The following CHAMP1 variants were observed in gnomAD, a reference collection of about 807,000 sequenced individuals.
CHAMP1 encodes chromosome alignment maintaining phosphoprotein 1.
CHAMP1 carries 4 observed loss-of-function variants against 54.5 expected under a neutral mutation model. The ratio of observed to expected loss-of-function variants is 0.07; its 90% CI spans 0.04 to 0.17. CHAMP1 has a LOEUF of 0.17. Among genes scored for constraint, CHAMP1 ranks in the 10% least tolerant of loss-of-function variants. The pLI is 1.00. For missense variants in CHAMP1, 994 were observed against 968.6 expected, an observed-to-expected ratio of 1.03 and a Z score of -0.35; for synonymous variants, 368 against 342.2, an observed-to-expected ratio of 1.08 and a Z score of -0.83.
intron 1 of CHAMP1, among the ~76,000 whole-genome samples, chr13:114,319,588 A>G (rs2087143357): frequency 6.6e-6 from 1 of 152,202 alleles, no homozygotes; most frequent in South Asian, 2.1e-4. Context: ...TAGAACTTCA[A>G]CCAAATGCCA....
In CHAMP1 at chr13:114,324,253, T is replaced by G. The variant is rs782812955; in HGVS notation, c.411T>G (p.Leu137=). The change falls in exon 3 of 3, where the codon CTT becomes CTG. Residue 137 remains leucine (L), a synonymous_variant. Coordinates refer to ENST00000361283, the MANE Select transcript of CHAMP1 (RefSeq NM_032436.4). ...CCCTTTCAATGGAAACACAGAAACT[T>G]GGTTCAGTTTTGTCTCCAGAATCGC... ...IPALSMETQK[L]GSVLSPESPK... 2 of 1,614,160 alleles carry G rather than the reference T, an allele frequency of 1.2e-6. No homozygotes were observed. Among genetic ancestry groups the G allele is most frequent in the Non-Finnish European group, 1.7e-6 (2 of 1,180,040 alleles).
Position 114,325,828 on chromosome 13 carries a change from C to T in CHAMP1, c.1986C>T (p.Ser662=). ...ATCAAGAGCAGGTTGATGTGGAATC[C>T]ATTGATTTTAGCAAAGAGAACAAAA... ...SSDQEQVDVE[S]IDFSKENKMD... is the part of the protein sequence containing the mutation. The change falls in exon 3 of 3, where the codon TCC becomes TCT. Residue 662 remains serine, a synonymous_variant. Coordinates refer to ENST00000361283, the MANE Select transcript of CHAMP1 (RefSeq NM_032436.4). 1 of 1,614,110 alleles carries T rather than the reference C, an allele frequency of 6.2e-7. No individual in the cohort carries two copies. Among genetic ancestry groups the T allele is most frequent in the Non-Finnish European group, 8.5e-7 (1 of 1,180,040 alleles).
Position 114,326,235 on chromosome 13 carries a change from A to G in CHAMP1, c.2393A>G (p.Lys798Arg). ...CGGCATAATGAAGAGGCAAATAAAA[A>G]GCTAATGGAAGCTCTTGAACCGCCA... ...QSRHNEEANKKLMEALEPPLE... is the reference protein window; with the variant it reads ...QSRHNEEANKRLMEALEPPLE... The change falls in exon 3 of 3, where the codon AAG becomes AGG. Residue 798 changes from lysine to arginine, a missense_variant. This residue lies in a region of CHAMP1 where 59 missense variants were observed against 146.7 expected (regional missense o/e 0.40). Transcript: ENST00000361283. The G allele has an allele frequency of 6.3e-7, 1 of 1,590,678 alleles. No homozygotes were observed. Among genetic ancestry groups the G allele is most frequent in the South Asian group, 1.1e-5 (1 of 87,668 alleles).
chr13:114,321,985 A>G (rs1300331095), intron 2 of CHAMP1: 1 of 151,688 alleles, frequency 6.6e-6, no homozygotes, highest in Non-Finnish European at 1.5e-5. Context: ...AGGAAGCAGT[A>G]TTGCCAGTGA....
At chr13:114,319,464 G>A (rs1465600414) in intron 1 of CHAMP1, among the ~76,000 whole-genome samples, 1 of 152,196 alleles carries the variant, frequency 6.6e-6, no homozygotes, top group Non-Finnish European at 1.5e-5. Context: ...CTGGCATCCT[G>A]TTTTTGGTAT....
In CHAMP1 at chr13:114,323,874, C is replaced by T. The variant is rs1193198344; in HGVS notation, c.32C>T (p.Ser11Leu). The change falls in exon 3 of 3, where the codon TCA becomes TTA. Residue 11 changes from serine to leucine, a missense_variant. Around this residue, in one of 3 missense-constraint regions of CHAMP1, gnomAD observed 84 missense variants for 120.7 expected, o/e 0.70. Transcript: ENST00000361283. MEAFQELRKP[S>L]ARLECDHCSF... ...GCATTCCAGGAACTTCGTAAACCAT[C>T]AGCACGTTTGGAGTGTGACCATTGC... The T allele has an allele frequency of 3.1e-6, 5 of 1,608,710 alleles. No individual in the cohort carries two copies. The highest frequency in any genetic ancestry group is 4.3e-6 in the Non-Finnish European group (5 of 1,176,134).
intron 1 of CHAMP1, among the ~76,000 whole-genome samples, chr13:114,319,949 G>T (rs2087147473): frequency 6.6e-6 from 1 of 152,202 alleles, no homozygotes; most frequent in African/African-American, 2.4e-5. Context: ...AGCTTTATAT[G>T]CCATATTCAA....
rs911557126 is a variant in CHAMP1 at position 114,314,619 on chromosome 13, C to G, written c.-203C>G. The G allele has an allele frequency of 6.6e-6, 1 of 151,978 alleles. No individual in the cohort carries two copies. The highest frequency in any genetic ancestry group is 1.5e-5 in the Non-Finnish European group (1 of 67,984). 9.4% of individuals were successfully genotyped at this position (151,978 alleles called of 1,614,324 possible). On this transcript the variant is annotated 5_prime_UTR_variant, in exon 1 of 3. Coordinates refer to ENST00000361283, the MANE Select transcript of CHAMP1 (RefSeq NM_032436.4). ...GGCCCTCCGCGCGGTCCATCGCCCA[C>G]TGGACGCCGCCCGCGGCCGGACCGG... is the stretch of plus-strand genomic sequence containing the variant.
chr13:114,322,382 G>A (rs797036613), intron 2 of CHAMP1: 8 of 152,216 alleles, frequency 5.3e-5, no homozygotes, highest in African/African-American at 1.9e-4. Flanking sequence ...TAAAGGGAGA[G>A]CCTGCATTTC....
intron 2 of CHAMP1, among the ~76,000 whole-genome samples, chr13:114,321,683 A>G (rs1467115486): frequency 6.6e-6 from 1 of 152,214 alleles, no homozygotes; most frequent in Non-Finnish European, 1.5e-5. Flanking sequence ...GTTTTATTTA[A>G]CAATGGGCTC....
intron 2 of CHAMP1, chr13:114,322,768 A>G (rs145439009): frequency 6.6e-6 from 1 of 152,326 alleles, no homozygotes; most frequent in East Asian, 1.9e-4. Context: ...GCCAGATAAT[A>G]TGTTTAATAT....
intron 1 of CHAMP1, among the ~76,000 whole-genome samples, chr13:114,317,351 C>T (rs2087112147): frequency 6.6e-6 from 1 of 151,120 alleles, no homozygotes. Flanking sequence ...AAAGGCCAGG[C>T]ATGGTAGCTC....
rs937801536 is a variant in CHAMP1, at chr13:114,316,526, A to G, written c.-179+1883A>G. Among the ~76,000 whole-genome samples, 5 of 150,960 alleles carry G rather than the reference A, an allele frequency of 3.3e-5. No individual in the cohort carries two copies. In the East Asian group the frequency reaches 8.0e-4, roughly 24 times the overall value. ...AATCGCTTGAACCTGGGAGGTGGAG[A>G]TTGCAGTGAGCCGAGATTGCGCCAT... On this transcript the variant is annotated intron_variant, in intron 1 of 2. Transcript: ENST00000361283.
In CHAMP1 at chr13:114,323,804, T is replaced by A; in HGVS notation, c.-39T>A. ...TTATTGCAGCAGTATTGAAAGTTTT[T>A]AAAGAATATAACCGTGTGTGTTGGT... On this transcript the variant is annotated 5_prime_UTR_variant, in exon 3 of 3. Transcript: ENST00000361283. 6.5e-7 allele frequency: 1 copy of A among 1,533,172 alleles called. No individual in the cohort carries two copies. Among genetic ancestry groups the A allele is most frequent in the Non-Finnish European group, 8.7e-7 (1 of 1,143,016 alleles). The allele number at this position is 1,533,172 out of a possible 1,614,324, so 95.0% of individuals were successfully genotyped here. A position where few individuals can be genotyped will look rare whatever the true frequency, so the allele number is the denominator to read the frequency against.
intron 2 of CHAMP1, chr13:114,322,054 T>G (rs1341126551): frequency 3.4e-5 from 5 of 148,874 alleles, no homozygotes; most frequent in African/African-American, 1.2e-4. Context: ...TTTTTTTTTT[T>G]TTTTTGAGAT....
chr13:114,323,877 C>T lies in CHAMP1; in HGVS notation c.35C>T (p.Ala12Val). The T allele has an allele frequency of 6.2e-7, 1 of 1,609,216 alleles. No individual in the cohort carries two copies. The highest frequency in any genetic ancestry group is 8.5e-7 in the Non-Finnish European group (1 of 1,176,496). Residue 12 changes from alanine to valine, a missense_variant, in exon 3 of 3, where the codon GCA becomes GTA. By Grantham distance (64) the Ala-to-Val change is moderately conservative. This residue lies in a region of CHAMP1 where 84 missense variants were observed against 120.7 expected (regional missense o/e 0.70). Transcript: ENST00000361283. The stretch of plus-strand genomic sequence containing the variant: ...TTCCAGGAACTTCGTAAACCATCAG[C>T]ACGTTTGGAGTGTGACCATTGCAGT... ...EAFQELRKPS[A>V]RLECDHCSFR...
chr13:114,319,544 T>C (rs2087142866), intron 1 of CHAMP1, among the ~76,000 whole-genome samples: 1 of 152,192 alleles, frequency 6.6e-6, no homozygotes, highest in African/African-American at 2.4e-5. Flanking sequence ...AGTGGGGAAT[T>C]GACCAGTACA....
In CHAMP1 at chr13:114,326,024, T is replaced by A; in HGVS notation, c.2182T>A (p.Leu728Met). 3 of 1,614,106 alleles carry A rather than the reference T, an allele frequency of 1.9e-6. No homozygotes were observed. The highest frequency in any genetic ancestry group is 2.5e-6 in the Non-Finnish European group (3 of 1,180,018). ...GAAAAAAGGTGCTGTTTTGCATCATTTGGTTAATAAGCATAATGTTCATAG... is the reference window on the plus strand; with the variant it reads ...GAAAAAAGGTGCTGTTTTGCATCATATGGTTAATAAGCATAATGTTCATAG... ...AMKKGAVLHH[L>M]VNKHNVHSPY... Residue 728 changes from leucine (L) to methionine (M), a missense_variant, in exon 3 of 3, where the codon TTG (leucine) becomes ATG (methionine). Transcript: ENST00000361283.
intron 2 of CHAMP1, 62 bp from the exon 3 acceptor site, chr13:114,323,726 A>C (rs2087201144): frequency 2.3e-6 from 3 of 1,309,960 alleles, no homozygotes; most frequent in Non-Finnish European, 3.1e-6. Flanking sequence ...TATAGAATGG[A>C]CTGACAGCAT....
Sources: allele counts gnomAD v4.1 joint callset (sites outside exome capture counted in the v4.1 genomes callset), GRCh38; gene constraint gnomAD v4.1.1; regional missense constraint gnomAD v4.1.1; transcripts MANE v1.5; gene names NCBI Gene and HGNC (gene_info 2026-07-23, HGNC 2026-07-21).